The following PATJ variants were observed in gnomAD, a reference collection of about 807,000 sequenced individuals.
The protein encoded by PATJ is PATJ crumbs cell polarity complex component, also known as inaD-like protein.
Under a neutral mutation model 224.9 loss-of-function variants are expected in PATJ, and 190 were observed. The ratio of observed to expected loss-of-function variants is 0.84; its 90% confidence interval spans 0.75 to 0.95. The LOEUF is 0.95. Among genes scored for constraint, PATJ ranks in the 40% least tolerant of loss-of-function variants. The pLI, the probability that PATJ is intolerant of heterozygous loss-of-function variation, is 0.00. For synonymous variants in PATJ, 769 were observed against 820.3 expected (o/e 0.94, Z 1.07); for missense variants, 2,121 against 2,270.3 (o/e 0.93, Z 1.34).
At chr1:62,023,194 G>A (rs866496673) in intron 29 of PATJ, among the ~76,000 whole-genome samples, 1 of 151,868 alleles carries the variant, frequency 6.6e-6, no homozygotes, top group African/African-American at 2.4e-5. Flanking sequence ...GGAGGCTGAG[G>A]CAGGAGAATC....
intron 23 of PATJ, among the ~76,000 whole-genome samples, chr1:61,900,744 T>C (rs867638755): frequency 3.7e-4 from 57 of 152,124 alleles, no homozygotes; most frequent in Non-Finnish European, 4.6e-4. Context: ...CGCCCGCCAC[T>C]ACGCCCGGCT....
intron 5 of PATJ, among the ~76,000 whole-genome samples, chr1:61,769,801 G>C (rs960470041): frequency 6.6e-6 from 1 of 152,188 alleles, no homozygotes; most frequent in East Asian, 1.9e-4. Context: ...TGATCAGTAA[G>C]ATAGGAATAT....
chr1:62,040,397 T>C lies in PATJ; in HGVS notation c.4032+2348T>C, dbSNP rs118051434. ...AGTGCTGGGATTACAGGCATGACCC[T>C]ATGTTTGCATTTCTAAAGGGCTGAG... On this transcript the variant is annotated intron_variant, in intron 30 of 43. Transcript: ENST00000642238. 1.2e-3 allele frequency among the ~76,000 whole-genome samples: 182 copies of C among 151,992 alleles called. 3 individuals are homozygous for C. The East Asian group carries it at 0.033, about 27-fold the overall frequency.
chr1:61,850,922 A>G (rs1662713977), intron 17 of PATJ, among the ~76,000 whole-genome samples: 1 of 152,214 alleles, frequency 6.6e-6, no homozygotes, highest in African/African-American at 2.4e-5. Context: ...TTATTCCTAT[A>G]TGATGGGATG....
At chr1:61,765,871 A>G (rs1396395199) in intron 3 of PATJ, among the ~76,000 whole-genome samples, 2 of 152,182 alleles carry the variant, frequency 1.3e-5, no homozygotes, top group Admixed American at 1.3e-4. Context: ...CAAGCACTCA[A>G]TAAGTACAGT....
chr1:62,018,020 A>G lies in PATJ; in HGVS notation c.3959+73A>G. On this transcript the variant is annotated intron_variant, in intron 29 of 43. Coordinates refer to ENST00000642238, the MANE Select transcript of PATJ (RefSeq NM_001350145.3). This position sits in a 1 kb window ranked among gnomAD's most constrained non-coding sequence, Gnocchi z 4.2. ...GATGTTATTAGTGTAAGACTATGTC[A>G]TCTTTGATTTGTCTAGCGAAATCAC... The G allele has an allele frequency of 1.3e-6, 1 of 790,290 alleles. No individual in the cohort carries two copies. 49.0% of individuals were successfully genotyped at this position (790,290 alleles called of 1,614,324 possible).
chr1:61,878,146 A>G (rs564599166), intron 21 of PATJ, among the ~76,000 whole-genome samples: 1 of 152,206 alleles, frequency 6.6e-6, no homozygotes, highest in Non-Finnish European at 1.5e-5. Context: ...GTGTAGCTGG[A>G]TGGGACATAG....
At chr1:61,749,271 G>T (rs1249820471) in intron 1 of PATJ, among the ~76,000 whole-genome samples, 1 of 151,948 alleles carries the variant, frequency 6.6e-6, no homozygotes, top group Non-Finnish European at 1.5e-5. Flanking sequence ...CTCTGAAAGT[G>T]CTGGGATTGC....
chr1:62,057,178 G>A (rs998092630), intron 31 of PATJ, among the ~76,000 whole-genome samples: 2 of 152,192 alleles, frequency 1.3e-5, no homozygotes, highest in Non-Finnish European at 2.9e-5. Flanking sequence ...TTCGTGCTAA[G>A]AGAGCGTATG....
intron 1 of PATJ, among the ~76,000 whole-genome samples, chr1:61,745,581 TTTTAC>T (rs896079859): frequency 9.5e-5 from 14 of 147,378 alleles, no homozygotes; most frequent in Non-Finnish European, 1.6e-4. Context: ...GCCAAAATTA[TTTTAC>T]TTTATTTTAT....
At chr1:62,033,506 G>A (rs1423509610) in intron 29 of PATJ, among the ~76,000 whole-genome samples, 2 of 152,190 alleles carry the variant, frequency 1.3e-5, no homozygotes, top group Admixed American at 1.3e-4. Flanking sequence ...ATCTTTATAT[G>A]TCTCTTCTAA....
chr1:61,816,770 C>T (rs1405658595), intron 14 of PATJ, among the ~76,000 whole-genome samples: 1 of 152,142 alleles, frequency 6.6e-6, no homozygotes, highest in Non-Finnish European at 1.5e-5. Context: ...TACTTTGCTG[C>T]TCTCTTTTTA....
intron 27 of PATJ, among the ~76,000 whole-genome samples, chr1:61,945,338 C>T (rs1453682844): frequency 4.6e-5 from 7 of 151,788 alleles, no homozygotes; most frequent in Non-Finnish European, 7.4e-5. Context: ...ACCCATCTCA[C>T]GTGCAGAGAC....
chr1:61,928,080 A>G lies in PATJ; in HGVS notation c.3670+251A>G, dbSNP rs146089453. Among the ~76,000 whole-genome samples the G allele has an allele frequency of 3.3e-5, 5 of 152,218 alleles. No homozygotes were observed. In the East Asian group the frequency reaches 9.7e-4, roughly 29 times the overall value. On this transcript the variant is annotated intron_variant, in intron 27 of 43. Coordinates refer to ENST00000642238, the MANE Select transcript of PATJ (RefSeq NM_001350145.3). ...TTTTCCTATATTCCCTTCTAATCTT[A>G]TTGTTTGGTTGTGAATACAAAAATG...
intron 29 of PATJ, among the ~76,000 whole-genome samples, chr1:62,031,282 T>C (rs1056872038): frequency 5.9e-5 from 9 of 152,130 alleles, no homozygotes; most frequent in Non-Finnish European, 1.2e-4. Flanking sequence ...GGAAGAAAAG[T>C]TGAAGCTAGA....
chr1:62,009,287 C>A (rs557607344), intron 28 of PATJ, among the ~76,000 whole-genome samples: 1 of 152,156 alleles, frequency 6.6e-6, no homozygotes, highest in Non-Finnish European at 1.5e-5. Context: ...TTCTAGACTA[C>A]CACAATAAAG....
At chr1:61,886,728 G>A (rs1668894791) in intron 22 of PATJ, among the ~76,000 whole-genome samples, 1 of 151,466 alleles carries the variant, frequency 6.6e-6, no homozygotes, top group Middle Eastern at 3.4e-3. Flanking sequence ...GCTGAGGCAG[G>A]AAAATCACTT....
chr1:61,864,685 G>A, intron 20 of PATJ, 52 bp downstream of exon 20: 1 of 1,484,348 alleles, frequency 6.7e-7, no homozygotes, highest in Non-Finnish European at 9.1e-7. Flanking sequence ...CTCCTCGCCT[G>A]TCCCTGTCTC....
At chr1:61,861,819 C>T in intron 19 of PATJ, 152 bp downstream of exon 19, 1 of 483,028 alleles carries the variant, frequency 2.1e-6, no homozygotes, top group East Asian at 3.3e-5. Context: ...AAGCTTGTCC[C>T]CATCCCTGGC....
Sources: allele counts gnomAD v4.1 joint callset (sites outside exome capture counted in the v4.1 genomes callset), GRCh38; gene constraint gnomAD v4.1.1; non-coding constraint Gnocchi (gnomAD v3.1); transcripts MANE v1.5; gene names NCBI Gene and HGNC (gene_info 2026-07-23, HGNC 2026-07-21).